PSD3: variants seen among roughly 807,000 people sequenced by gnomAD.
PSD3 encodes the protein PH and SEC7 domain-containing protein 3.
Under a neutral mutation model 105.5 loss-of-function variants are expected in PSD3, and 49 were observed. The ratio of observed to expected loss-of-function variants is 0.46; its 90% confidence interval spans 0.37 to 0.59. The LOEUF is 0.59. PSD3 is among the 20% of genes least tolerant of loss of function. The pLI is 0.00. For missense variants in PSD3, 1,561 were observed against 1,263.8 expected (o/e 1.24, Z -3.57); for synonymous variants, 557 against 457.8 (o/e 1.22, Z -2.77).
At chr8:18,994,345 A>G (rs1163645334) in intron 1 of PSD3, among the ~76,000 whole-genome samples, 1 of 152,072 alleles carries the variant, frequency 6.6e-6, no homozygotes, top group Non-Finnish European at 1.5e-5. Flanking sequence ...TTTACGGTAG[A>G]TTTTAAGATT....
At chr8:18,596,936 A>G (rs1804146519) in intron 12 of PSD3, among the ~76,000 whole-genome samples, 1 of 152,188 alleles carries the variant, frequency 6.6e-6, no homozygotes, top group Non-Finnish European at 1.5e-5. Flanking sequence ...GTTCCAAAAA[A>G]TTGAAGAGGA....
rs527314835 is a variant in PSD3, at chr8:18,920,431, G to A, written c.130+15603C>T. ...GAGAATCATGCTGAAAGCAAGGTTCGAGTGTGGACAGATACAGCGGTATTG... is the reference window on the plus strand; with the variant it reads ...GAGAATCATGCTGAAAGCAAGGTTCAAGTGTGGACAGATACAGCGGTATTG... On this transcript the variant is annotated intron_variant, in intron 2 of 15. Coordinates refer to ENST00000327040, the MANE Select transcript of PSD3 (RefSeq NM_015310.4). 5.4e-4 allele frequency among the ~76,000 whole-genome samples: 83 copies of A among 152,332 alleles called. 2 individuals are homozygous for A. The South Asian group carries it at 0.017, about 30-fold the overall frequency.
intron 14 of PSD3, among the ~76,000 whole-genome samples, chr8:18,565,331 TG>T (rs1465153570): frequency 6.6e-6 from 1 of 152,188 alleles, no homozygotes; most frequent in Non-Finnish European, 1.5e-5. Context: ...AAGCAAAACT[TG>T]TATTTTCAAA....
At chr8:18,673,007 A>G (rs1156466232) in intron 9 of PSD3, among the ~76,000 whole-genome samples, 1 of 152,206 alleles carries the variant, frequency 6.6e-6, no homozygotes, top group Non-Finnish European at 1.5e-5. Flanking sequence ...TATGTATATC[A>G]TTTATATAAT....
intron 1 of PSD3, among the ~76,000 whole-genome samples, chr8:19,051,060 A>C (rs539671072): frequency 1.3e-5 from 2 of 152,112 alleles, no homozygotes; most frequent in Non-Finnish European, 2.9e-5. Flanking sequence ...ACATCCTCAG[A>C]GTCTATCCAA....
In PSD3 at chr8:19,013,638, G is replaced by T. The variant is rs1048963456; in HGVS notation, c.-55C>A. The T allele has an allele frequency of 9.5e-5, 125 of 1,309,000 alleles. No homozygotes were observed. In the African/African-American group the frequency reaches 1.6e-3, roughly 17 times the overall value. The allele number at this position is 1,309,000 out of a possible 1,614,324, so 81.1% of individuals were successfully genotyped here. A position where few individuals can be genotyped will look rare whatever the true frequency, so the allele number is the denominator to read the frequency against. ...AACCGCCGCCGGGCGCTCCGGGGCC[G>T]CAGCCTCAGGGCGCGAGTGCCGGCG... On this transcript the variant is annotated 5_prime_UTR_variant, in exon 1 of 16. Transcript: ENST00000327040.
chr8:18,961,214 C>G (rs1259927771), intron 1 of PSD3, among the ~76,000 whole-genome samples: 1 of 152,154 alleles, frequency 6.6e-6, no homozygotes, highest in Non-Finnish European at 1.5e-5. Context: ...CTGAAGAACT[C>G]TTAATAGAAT....
intron 9 of PSD3, among the ~76,000 whole-genome samples, chr8:18,737,581 T>C (rs1007007004): frequency 2.0e-5 from 3 of 152,162 alleles, no homozygotes; most frequent in Non-Finnish European, 2.9e-5. Context: ...GGATTACAGG[T>C]GTGAGTCACT....
intron 3 of PSD3, 147 bp downstream of exon 3, chr8:18,871,479 G>T: frequency 9.8e-7 from 1 of 1,017,098 alleles, no homozygotes; most frequent in Non-Finnish European, 1.4e-6. Context: ...TAGCTTAGAA[G>T]GACCTAGCTC....
intron 1 of PSD3, among the ~76,000 whole-genome samples, chr8:19,077,022 C>T (rs1037204809): frequency 6.6e-6 from 1 of 152,130 alleles, no homozygotes; most frequent in African/African-American, 2.4e-5. Flanking sequence ...TACCGTCTAC[C>T]TTTCACCATT....
intron 15 of PSD3, among the ~76,000 whole-genome samples, chr8:18,536,672 C>T (rs985504526): frequency 4.6e-5 from 7 of 152,132 alleles, no homozygotes; most frequent in Admixed American, 4.6e-4. Context: ...TACTGAGTAC[C>T]TACTATGTTT....
rs912051744 is a variant in PSD3 at position 18,803,872 on chromosome 8, A to G, written c.1910+650T>C. ...GATGGACGGTGGTGACGGCTGGACA[A>G]CATTATGAATGTTTTTAATGCCACT... is the stretch of plus-strand genomic sequence containing the variant. On this transcript the variant is annotated intron_variant, in intron 6 of 15. Transcript: ENST00000327040. Among the ~76,000 whole-genome samples, 11 of 152,244 alleles carry G rather than the reference A, an allele frequency of 7.2e-5. 1 individual carries two copies. In the South Asian group the frequency reaches 2.3e-3, roughly 32 times the overall value.
intron 4 of PSD3, among the ~76,000 whole-genome samples, chr8:18,852,047 T>C (rs1815619840): frequency 6.6e-6 from 1 of 152,174 alleles, no homozygotes; most frequent in African/African-American, 2.4e-5. Flanking sequence ...TTAGAAACAC[T>C]GAATTAAATG....
At chr8:18,708,789 A>T (rs573027627) in intron 9 of PSD3, among the ~76,000 whole-genome samples, 3 of 151,906 alleles carry the variant, frequency 2.0e-5, no homozygotes, top group East Asian at 1.9e-4. Context: ...GATCCGGATT[A>T]TCTCACTGGG....
chr8:18,822,726 GACTTTCAGAGAA>G (rs774506808), intron 4 of PSD3, among the ~76,000 whole-genome samples: 26 of 152,138 alleles, frequency 1.7e-4, no homozygotes, highest in Non-Finnish European at 3.4e-4. Context: ...CATGTTTTAT[GACTTTCAGAGAA>G]CACTGACATT....
chr8:18,556,451 A>C, intron 14 of PSD3, 99 bp from the exon 15 acceptor site: 1 of 1,294,664 alleles, frequency 7.7e-7, no homozygotes, highest in Non-Finnish European at 1.1e-6. Context: ...AATGACTTTA[A>C]TTCACTAAAA....
chr8:18,626,265 C>A (rs13268141), intron 11 of PSD3, among the ~76,000 whole-genome samples: 31,745 of 149,552 alleles, frequency 0.21, 3,841 homozygotes, highest in Middle Eastern at 0.41. Context: ...AAAAAAGACA[C>A]CAAATCTTGA....
chr8:18,759,421 G>C (rs537193418), intron 9 of PSD3, among the ~76,000 whole-genome samples: 1 of 151,946 alleles, frequency 6.6e-6, no homozygotes, highest in Admixed American at 6.6e-5. Flanking sequence ...TGCAAATTGT[G>C]TTCAGTTTTA....
At position 18,871,606 on chromosome 8, in the gene PSD3, G is replaced by C; in HGVS notation, c.1238+20C>G. 6.4e-7 allele frequency: 1 copy of C among 1,571,366 alleles called. No homozygotes were observed. Among genetic ancestry groups the C allele is most frequent in the Non-Finnish European group, 8.6e-7 (1 of 1,161,302 alleles). On this transcript the variant is annotated intron_variant, in intron 3 of 15. Coordinates refer to ENST00000327040, the MANE Select transcript of PSD3 (RefSeq NM_015310.4). ...TATGTACCAGGCATCTGAGACAGCA[G>C]GGCTACTATGGGAGCTCACCTTTCC...
Sources: allele counts gnomAD v4.1 joint callset (sites outside exome capture counted in the v4.1 genomes callset), GRCh38; gene constraint gnomAD v4.1.1; transcripts MANE v1.5; gene names NCBI Gene and HGNC (gene_info 2026-07-23, HGNC 2026-07-21).